CSMD3: variants seen among roughly 807,000 people sequenced by gnomAD.
CSMD3 encodes CUB and Sushi multiple domains 3, also known as CUB and sushi domain-containing protein 3.
CSMD3 carries 177 observed loss-of-function variants against 435.2 expected under a neutral mutation model. The observed-to-expected ratio is 0.41, with a 90% confidence interval of 0.36 to 0.46. The LOEUF (loss-of-function observed/expected upper bound fraction) is 0.46, where lower values mean the gene tolerates loss of function less well. CSMD3 is among the 20% of genes least tolerant of loss of function. The probability of loss-of-function intolerance (pLI) is 0.34; values close to 1 mark genes in which losing one functional copy is unlikely to be tolerated. For synonymous variants in CSMD3, 1,656 were observed against 1,520.5 expected, an observed-to-expected ratio of 1.09 and a Z score of -2.07; for missense variants, 4,265 against 4,504.6, an observed-to-expected ratio of 0.95 and a Z score of 1.52.
chr8:112,511,633 G>A (rs1268438819), intron 28 of CSMD3, among the ~76,000 whole-genome samples: 1 of 151,808 alleles, frequency 6.6e-6, no homozygotes, highest in East Asian at 1.9e-4. Context: ...CTTGTGATCC[G>A]CTCGTCTCGG....
chr8:112,897,046 T>G (rs1157095194), intron 10 of CSMD3, among the ~76,000 whole-genome samples: 2 of 151,474 alleles, frequency 1.3e-5, no homozygotes, highest in African/African-American at 2.4e-5. Context: ...TTTTCTCTCC[T>G]TTCTTTGCAT....
chr8:112,433,257 G>T (rs968426309), intron 32 of CSMD3, among the ~76,000 whole-genome samples: 9 of 44,882 alleles, frequency 2.0e-4, no homozygotes, highest in South Asian at 5.5e-4. Flanking sequence ...AAATAACAAA[G>T]AAATAATACT....
chr8:113,148,237 A>T (rs1423501381), intron 4 of CSMD3, among the ~76,000 whole-genome samples: 1 of 151,670 alleles, frequency 6.6e-6, no homozygotes, highest in African/African-American at 2.4e-5. Flanking sequence ...CTTATTTTTC[A>T]TCACATCTTT....
intron 48 of CSMD3, 120 bp from the exon 49 acceptor site, chr8:112,314,172 C>T: frequency 1.3e-6 from 1 of 776,752 alleles, no homozygotes; most frequent in Non-Finnish European, 2.1e-6. Flanking sequence ...CAATCTACCT[C>T]ATTAACAATA....
intron 5 of CSMD3, among the ~76,000 whole-genome samples, chr8:113,072,377 G>C (rs997179610): frequency 1.3e-5 from 2 of 151,656 alleles, no homozygotes; most frequent in Non-Finnish European, 3.0e-5. Flanking sequence ...GATCTTAGAG[G>C]AAAAGTTCAC....
chr8:112,366,793 T>A (rs544568865), intron 38 of CSMD3, among the ~76,000 whole-genome samples: 3 of 152,166 alleles, frequency 2.0e-5, no homozygotes, highest in Non-Finnish European at 4.4e-5. Flanking sequence ...TTTTCTTAAG[T>A]TAATAATGTA....
chr8:112,305,933 TAAA>T, intron 51 of CSMD3, 71 bp downstream of exon 51: 2 of 1,282,088 alleles, frequency 1.6e-6, no homozygotes, highest in Non-Finnish European at 2.3e-6. Context: ...TTTATAATTC[TAAA>T]ATACATAAAA....
intron 1 of CSMD3, among the ~76,000 whole-genome samples, chr8:113,349,344 G>C (rs966583837): frequency 6.6e-6 from 1 of 152,112 alleles, no homozygotes; most frequent in African/African-American, 2.4e-5. Context: ...ATGTCTTACA[G>C]CAAAAGAATT....
At chr8:112,768,947 C>A (rs1159656575) in intron 13 of CSMD3, among the ~76,000 whole-genome samples, 8 of 151,900 alleles carry the variant, frequency 5.3e-5, no homozygotes, top group Admixed American at 5.3e-4. Context: ...GTGGCAACCT[C>A]AATGTTCAGC....
At chr8:112,345,011 A>C (rs1825527156) in intron 41 of CSMD3, among the ~76,000 whole-genome samples, 1 of 152,180 alleles carries the variant, frequency 6.6e-6, no homozygotes, top group Non-Finnish European at 1.5e-5. Flanking sequence ...TGAATTTATC[A>C]TTATTATACA....
chr8:112,552,532 T>C (rs112162417), intron 26 of CSMD3, 62 bp downstream of exon 26: 6 of 1,486,712 alleles, frequency 4.0e-6, no homozygotes, highest in Non-Finnish European at 5.6e-6. Context: ...ATTAATTTTA[T>C]ATAGGGGTTG....
intron 20 of CSMD3, among the ~76,000 whole-genome samples, chr8:112,640,711 C>T (rs1209675164): frequency 1.3e-5 from 2 of 151,238 alleles, no homozygotes; most frequent in East Asian, 3.9e-4. Flanking sequence ...TGATACTAGA[C>T]AGATGAAAGG....
chr8:113,378,164 G>A (rs1174063298), intron 1 of CSMD3, among the ~76,000 whole-genome samples: 1 of 151,966 alleles, frequency 6.6e-6, no homozygotes, highest in East Asian at 1.9e-4. Flanking sequence ...ATTTATTCTT[G>A]GTATGACAAT....
chr8:112,270,175 C>G (rs1817332700), intron 59 of CSMD3, among the ~76,000 whole-genome samples: 1 of 152,126 alleles, frequency 6.6e-6, no homozygotes, highest in Non-Finnish European at 1.5e-5. Context: ...TATGCTTTTA[C>G]CAACATCTCT....
intron 12 of CSMD3, among the ~76,000 whole-genome samples, chr8:112,808,910 A>G (rs1022808298): frequency 1.3e-5 from 2 of 152,108 alleles, no homozygotes; most frequent in African/African-American, 4.8e-5. Context: ...CAACATTATT[A>G]TCACTGTCAC....
intron 12 of CSMD3, among the ~76,000 whole-genome samples, chr8:112,825,137 T>A (rs1254667381): frequency 2.6e-5 from 4 of 152,200 alleles, no homozygotes; most frequent in African/African-American, 9.6e-5. Context: ...GTTCTCCTGC[T>A]GTGTTTTTCA....
At chr8:112,369,716 T>TAAAC (rs1376307243) in intron 38 of CSMD3, among the ~76,000 whole-genome samples, 1 of 150,796 alleles carries the variant, frequency 6.6e-6, no homozygotes, top group Non-Finnish European at 1.5e-5. Flanking sequence ...CTGTTGGGAG[T>TAAAC]TGGGGTGCAA....
chr8:113,186,006 C>T (rs2131956001), intron 3 of CSMD3, among the ~76,000 whole-genome samples: 1 of 152,148 alleles, frequency 6.6e-6, no homozygotes, highest in East Asian at 2.0e-4. Flanking sequence ...TTCTTATTGA[C>T]ATTATGTGCC....
At chr8:112,932,789 TAAC>T (rs1162796714) in intron 9 of CSMD3, among the ~76,000 whole-genome samples, 1 of 152,048 alleles carries the variant, frequency 6.6e-6, no homozygotes, top group Non-Finnish European at 1.5e-5. Flanking sequence ...TGACTATAGT[TAAC>T]AAGATATTGT....
Sources: allele counts gnomAD v4.1 joint callset (sites outside exome capture counted in the v4.1 genomes callset), GRCh38; gene constraint gnomAD v4.1.1; transcripts MANE v1.5; gene names NCBI Gene and HGNC (gene_info 2026-07-23, HGNC 2026-07-21).